Variants in DNAH2 observed in about 807,000 individuals in gnomAD.
DNAH2 encodes dynein axonemal heavy chain 2, also known as axonemal beta dynein heavy chain 2.
Under a neutral mutation model 523.5 loss-of-function variants are expected in DNAH2, and 323 were observed. That is an observed-to-expected ratio of 0.62 (90% CI 0.56 to 0.68). The LOEUF is 0.68. Ranked by LOEUF, DNAH2 falls within the 30% of genes least tolerant of loss-of-function variation. The probability of loss-of-function intolerance (pLI) is 0.00; values close to 1 mark genes in which losing one functional copy is unlikely to be tolerated. For synonymous variants in DNAH2, 2,093 were observed against 2,177.4 expected (o/e 0.96, Z 1.08); for missense variants, 4,907 against 5,701.5 (o/e 0.86, Z 4.49).
At chr17:7,770,105 T>C (rs2076274720) in intron 24 of DNAH2, 147 bp from the exon 25 acceptor site, 1 of 1,057,966 alleles carries the variant, frequency 9.5e-7, no homozygotes, top group East Asian at 2.7e-5. Context: ...ATTCCCCTGG[T>C]GCCTAAGATT....
At chr17:7,740,066 C>CA in intron 9 of DNAH2, 128 bp downstream of exon 9, 1 of 281,774 alleles carries the variant, frequency 3.5e-6, no homozygotes, top group South Asian at 4.0e-5. Context: ...GGCGGTGGCC[C>CA]GGGGGGGGGG....
intron 14 of DNAH2, 107 bp from the exon 15 acceptor site, chr17:7,758,778 T>C (rs1007143340): frequency 1.3e-5 from 21 of 1,560,434 alleles, no homozygotes; most frequent in Non-Finnish European, 1.7e-5. Context: ...GGGAAGGACT[T>C]TTTTGTGTGT....
chr17:7,825,276 C>G (rs2077987497), intron 77 of DNAH2, among the ~76,000 whole-genome samples: 1 of 152,184 alleles, frequency 6.6e-6, no homozygotes, highest in African/African-American at 2.4e-5. Flanking sequence ...TCTGCCGTGT[C>G]ACTGCGCTTC....
At position 7,819,044 on chromosome 17, in the gene DNAH2, A is replaced by G. The variant is rs776468702; in HGVS notation, c.10796A>G (p.Asn3599Ser). Residue 3599 changes from asparagine (N) to serine (S), a missense_variant, in exon 71 of 86, where the codon AAC becomes AGC. Asn to Ser is a conservative substitution (Grantham distance 46, BLOSUM62 1). Coordinates refer to ENST00000572933, the MANE Select transcript of DNAH2 (RefSeq NM_020877.5). ...GAGACCAGTGAGACCACAGAGATCA[A>G]CACTGACTTGGCGCGGGAGGTAAGC... is the stretch of plus-strand genomic sequence containing the variant. ...QLETSETTEI[N>S]TDLAREAYRP... is the part of the protein sequence containing the mutation. 8 of 1,608,096 alleles carry G rather than the reference A, an allele frequency of 5.0e-6. No individual in the cohort carries two copies.
chr17:7,779,108 G>C, intron 35 of DNAH2, 135 bp from the exon 36 acceptor site: 1 of 938,492 alleles, frequency 1.1e-6, no homozygotes, highest in South Asian at 1.6e-5. Flanking sequence ...AGTGTACTCT[G>C]GTGCCCTCCT....
chr17:7,740,049 G>T, intron 9 of DNAH2, 111 bp downstream of exon 9: 2 of 908,694 alleles, frequency 2.2e-6, no homozygotes, highest in Non-Finnish European at 3.0e-6. Flanking sequence ...GGACAGATCG[G>T]GATCAGGGCG....
Position 7,792,677 on chromosome 17 carries a change from T to C in DNAH2, c.7166T>C (p.Met2389Thr), listed in dbSNP as rs1185692591. ...CCTAGCGCCCCCTTCTATAAGATCATGGTGCCCACCGTCGACACTGTTCGC... is the reference window on the plus strand; with the variant it reads ...CCTAGCGCCCCCTTCTATAAGATCACGGTGCCCACCGTCGACACTGTTCGC... ...YPPNAPFYKI[M>T]VPTVDTVRYN... The change falls in exon 47 of 86, where the codon ATG becomes ACG. Residue 2389 changes from methionine to threonine, a missense_variant. Transcript: ENST00000572933. 1 of 1,614,040 alleles carries C rather than the reference T, an allele frequency of 6.2e-7. No homozygotes were observed. The highest frequency in any genetic ancestry group is 8.5e-7 in the Non-Finnish European group (1 of 1,179,980).
chr17:7,768,176 G>A lies in DNAH2; in HGVS notation c.3850G>A (p.Glu1284Lys). ...LAKEYKDRNW[E>K]IIETTRSKIE... ...AACTTTTGCTCAGGACCGAAACTGG[G>A]AAATTATTGAAACCACTCGCTCAAA... The change falls in exon 24 of 86, where the codon GAA becomes AAA. Residue 1284 changes from glutamate to lysine, a missense_variant. This residue lies in a region of DNAH2 where 2,806 missense variants were observed against 3,190.8 expected (regional missense o/e 0.88). Coordinates refer to ENST00000572933, the MANE Select transcript of DNAH2 (RefSeq NM_020877.5). 6.2e-7 allele frequency: 1 copy of A among 1,614,192 alleles called. No individual in the cohort carries two copies. The highest frequency in any genetic ancestry group is 1.3e-5 in the African/African-American group (1 of 75,046).
Position 7,791,668 on chromosome 17 carries a change from AT to A in DNAH2, c.6901-248del, listed in dbSNP as rs1462334287. On this transcript the variant is annotated intron_variant, in intron 44 of 85. Coordinates refer to ENST00000572933, the MANE Select transcript of DNAH2 (RefSeq NM_020877.5). ...AGGGCAGGCCTGTTGTGGCCAGATG[AT>A]GGCTGCATCTTCATGAGTTAGCAGT... is the stretch of plus-strand genomic sequence containing the variant. Among the ~76,000 whole-genome samples the A allele has an allele frequency of 2.6e-5, 4 of 152,152 alleles. No homozygotes were observed. In the East Asian group the frequency reaches 7.7e-4, roughly 29 times the overall value.
intron 77 of DNAH2, among the ~76,000 whole-genome samples, chr17:7,829,921 G>A (rs542858944): frequency 2.0e-4 from 30 of 151,610 alleles, no homozygotes; most frequent in Admixed American, 3.9e-4. Flanking sequence ...AGCTACTTGG[G>A]AGGCTGGGGC....
intron 73 of DNAH2, among the ~76,000 whole-genome samples, chr17:7,822,615 T>C (rs1232944214): frequency 6.8e-6 from 1 of 147,164 alleles, no homozygotes; most frequent in African/African-American, 2.7e-5. Flanking sequence ...CTATACTAGA[T>C]AATTTACTTA....
intron 8 of DNAH2, chr17:7,737,912 A>G (rs1249660024): frequency 2.9e-6 from 2 of 697,014 alleles, no homozygotes; most frequent in Admixed American, 4.0e-5. Flanking sequence ...GCAGAGAAGG[A>G]GTTGGGTGTC....
Position 7,754,728 on chromosome 17 carries a change from G to A in DNAH2, c.1905-2363G>A, listed in dbSNP as rs1348162170. On this transcript the variant is annotated intron_variant, in intron 12 of 85. Transcript: ENST00000572933. This position sits in a 1 kb window ranked among gnomAD's most constrained non-coding sequence, Gnocchi z 4.6. ...GCTTGCTCGTGCCCGCATGGCCAAG[G>A]GGCTCAGGCTGTGCCGGCCCAAGGC... The A allele has an allele frequency of 2.5e-5, 28 of 1,110,506 alleles. No individual in the cohort carries two copies. The East Asian group carries it at 3.3e-4, about 13-fold the overall frequency. 68.8% of individuals were successfully genotyped at this position (1,110,506 alleles called of 1,614,324 possible).
At chr17:7,779,467 TG>T in intron 36 of DNAH2, 44 bp downstream of exon 36, 1 of 1,590,726 alleles carries the variant, frequency 6.3e-7, no homozygotes, top group East Asian at 2.2e-5. Context: ...TGGGAAGAAC[TG>T]GGTGTTCAGG....
chr17:7,774,774 T>C lies in DNAH2; in HGVS notation c.4517T>C (p.Leu1506Ser). 1 of 1,614,058 alleles carries C rather than the reference T, an allele frequency of 6.2e-7. No individual in the cohort carries two copies. The highest frequency in any genetic ancestry group is 1.1e-5 in the South Asian group (1 of 91,072). ...STHHPGLLDTLIEMNTILEDI... is the reference protein window; with the variant it reads ...STHHPGLLDTSIEMNTILEDI... Reference sequence around the variant, plus strand: ...TTCTTCCCAGGCCTCCTGGACACATTGATAGAAATGAATACAATCCTGGAA... The same window carrying C: ...TTCTTCCCAGGCCTCCTGGACACATCGATAGAAATGAATACAATCCTGGAA... The change falls in exon 29 of 86, where the codon TTG (leucine) becomes TCG (serine). Residue 1506 changes from leucine (L) to serine (S), a missense_variant. Leu to Ser is a moderately radical substitution (Grantham distance 145). Around this residue, in one of 3 missense-constraint regions of DNAH2, gnomAD observed 2,806 missense variants for 3,190.8 expected, o/e 0.88. Coordinates refer to ENST00000572933, the MANE Select transcript of DNAH2 (RefSeq NM_020877.5).
chr17:7,786,029 T>G lies in DNAH2; in HGVS notation c.6130-95T>G. The G allele has an allele frequency of 7.5e-7, 1 of 1,334,106 alleles. No homozygotes were observed. Among genetic ancestry groups the G allele is most frequent in the Non-Finnish European group, 1.0e-6 (1 of 956,664 alleles). The allele number at this position is 1,334,106 out of a possible 1,614,324, so 82.6% of individuals were successfully genotyped here. A position where few individuals can be genotyped will look rare whatever the true frequency, so the allele number is the denominator to read the frequency against. ...AGGGCCCTGGTGCCATTTTTAACAGTTTGAACGTATTCTCTCTGGCACCGG... is the reference window on the plus strand; with the variant it reads ...AGGGCCCTGGTGCCATTTTTAACAGGTTGAACGTATTCTCTCTGGCACCGG... On this transcript the variant is annotated intron_variant, in intron 39 of 85. Coordinates refer to ENST00000572933, the MANE Select transcript of DNAH2 (RefSeq NM_020877.5). This position sits in a 1 kb window ranked among gnomAD's most constrained non-coding sequence, Gnocchi z 7.5.
rs781540638 is a variant in DNAH2, at chr17:7,768,148, C to T, written c.3838-16C>T. ...GGAGGTCGTCGGGTCTTCTCATGCC[C>T]CCAACTTTTGCTCAGGACCGAAACT... On this transcript the variant is annotated splice_polypyrimidine_tract_variant and intron_variant, in intron 23 of 85. Transcript: ENST00000572933. 1.2e-6 allele frequency: 2 copies of T among 1,614,182 alleles called. No homozygotes were observed. Among genetic ancestry groups the T allele is most frequent in the Non-Finnish European group, 1.7e-6 (2 of 1,180,036 alleles).
rs2075944438 is a variant in DNAH2 at position 7,759,497 on chromosome 17, T to C, written c.2524T>C (p.Trp842Arg). 6.2e-7 allele frequency: 1 copy of C among 1,614,116 alleles called. No homozygotes were observed. The highest frequency in any genetic ancestry group is 8.5e-7 in the Non-Finnish European group (1 of 1,180,028). The change falls in exon 16 of 86, where the codon TGG (tryptophan) becomes CGG (arginine). Residue 842 changes from tryptophan (W) to arginine (R), a missense_variant. Coordinates refer to ENST00000572933, the MANE Select transcript of DNAH2 (RefSeq NM_020877.5). ...MEDALRLNVK[W>R]SLLELSKAIN... is the part of the protein sequence containing the mutation. The stretch of plus-strand genomic sequence containing the variant: ...GGATGCCCTGCGCCTGAATGTGAAG[T>C]GGTCACTGCTAGAACTATCCAAGGC...
At chr17:7,752,574 G>A (rs1230172060) in intron 12 of DNAH2, among the ~76,000 whole-genome samples, 4 of 152,080 alleles carry the variant, frequency 2.6e-5, no homozygotes, top group African/African-American at 4.8e-5. Context: ...GCGGGGCGTG[G>A]TGGCGGGCGC....
Sources: allele counts gnomAD v4.1 joint callset (sites outside exome capture counted in the v4.1 genomes callset), GRCh38; gene constraint gnomAD v4.1.1; regional missense constraint gnomAD v4.1.1; non-coding constraint Gnocchi (gnomAD v3.1); transcripts MANE v1.5; gene names NCBI Gene and HGNC (gene_info 2026-07-23, HGNC 2026-07-21).